The following GRIA3 variants were observed in gnomAD, a reference collection of about 807,000 sequenced individuals.
The protein encoded by GRIA3 is glutamate receptor 3.
GRIA3 carries 3 observed loss-of-function variants against 63.0 expected under a neutral mutation model. The observed-to-expected ratio is 0.05, with a 90% CI of 0.02 to 0.12. The LOEUF is 0.12. Among genes scored for constraint, GRIA3 ranks in the 10% least tolerant of loss-of-function variants. The pLI is 1.00. For missense variants in GRIA3, 347 were observed against 700.9 expected (o/e 0.50, Z 5.70); for synonymous variants, 274 against 257.9 (o/e 1.06, Z -0.60).
At chrX:123,352,022 C>T (rs2045098191) in intron 4 of GRIA3, among the ~76,000 whole-genome samples, 1 of 111,621 alleles carries the variant, frequency 9.0e-6, no homozygotes. Context: ...AACAATGTCT[C>T]AATGAATGAC....
At chrX:123,203,889 C>T (rs112241924) in intron 2 of GRIA3, among the ~76,000 whole-genome samples, 25,583 of 111,240 alleles carry the variant, frequency 0.23, 2,509 homozygotes, top group Non-Finnish European at 0.31. Context: ...AGTGATAATA[C>T]TGTCATCCCT....
chrX:123,322,835 T>C lies in GRIA3; in HGVS notation c.509-3191T>C, dbSNP rs142291304. Among the ~76,000 whole-genome samples the C allele has an allele frequency of 5.0e-4, 56 of 112,287 alleles. No homozygotes were observed. The East Asian group carries it at 0.014, about 27-fold the overall frequency. ...GCTCAAAAAATGTGAGCAAGGCTTA[T>C]AGCCCAGGAAGCTTCAGACATGCCC... On this transcript the variant is annotated intron_variant, in intron 3 of 15. Transcript: ENST00000620443.
intron 12 of GRIA3, among the ~76,000 whole-genome samples, chrX:123,458,854 C>T (rs1449014816): frequency 3.6e-5 from 4 of 111,669 alleles, no homozygotes; most frequent in African/African-American, 1.3e-4. Flanking sequence ...TTGTTGATGG[C>T]AGACCCTGGT....
chrX:123,291,469 G>GT (rs1301418423), intron 3 of GRIA3, among the ~76,000 whole-genome samples: 2 of 110,705 alleles, frequency 1.8e-5, no homozygotes, highest in Non-Finnish European at 3.8e-5. Context: ...GCTATGCTCA[G>GT]TACCTGGGTG....
intron 2 of GRIA3, among the ~76,000 whole-genome samples, chrX:123,193,095 T>G (rs2147248978): frequency 9.1e-6 from 1 of 109,344 alleles, no homozygotes; most frequent in African/African-American, 3.3e-5. Context: ...CTCAAGTATG[T>G]ATCTGTCACA....
chrX:123,457,509 T>C (rs1343312975), intron 12 of GRIA3, among the ~76,000 whole-genome samples: 1 of 111,782 alleles, frequency 8.9e-6, no homozygotes, highest in Non-Finnish European at 1.9e-5. Flanking sequence ...AATAATTACA[T>C]GCATAAAGCT....
intron 2 of GRIA3, among the ~76,000 whole-genome samples, chrX:123,223,578 C>T (rs1252990294): frequency 3.6e-5 from 4 of 112,131 alleles, no homozygotes; most frequent in Non-Finnish European, 7.5e-5. Context: ...TGCTAGAAGG[C>T]CCTCTTTCTG....
intron 13 of GRIA3, among the ~76,000 whole-genome samples, chrX:123,470,594 C>T (rs778486638): frequency 7.1e-5 from 8 of 111,923 alleles, no homozygotes; most frequent in Non-Finnish European, 1.1e-4. Flanking sequence ...GTTACACTCT[C>T]GGACAGCCCA....
In GRIA3 at chrX:123,260,499, A is replaced by G. The variant is rs28625399; in HGVS notation, c.508+6957A>G. On this transcript the variant is annotated intron_variant, in intron 3 of 15. Coordinates refer to ENST00000620443, the MANE Select transcript of GRIA3 (RefSeq NM_007325.5). ...AGGAAAGAAAGAAAGAAAGAAAGAA[A>G]GAAAGAAAGAAAGAAAGAAAGAAAG... Among the ~76,000 whole-genome samples, 11 of 8,073 alleles carry G rather than the reference A, an allele frequency of 1.4e-3. 1 individual carries two copies. Among genetic ancestry groups the G allele is most frequent in the African/African-American group, 1.9e-3 (7 of 3,743 alleles). The allele number at this position is 8,073 out of a possible 115,157, so 7.0% of individuals were successfully genotyped here. A position where few individuals can be genotyped will look rare whatever the true frequency, so the allele number is the denominator to read the frequency against.
chrX:123,370,993 A>G (rs996346363), intron 5 of GRIA3, among the ~76,000 whole-genome samples: 2 of 109,946 alleles, frequency 1.8e-5, no homozygotes, highest in Admixed American at 2.0e-4. Context: ...TATTCATTCT[A>G]ACTTTTTTTT....
intron 10 of GRIA3, among the ~76,000 whole-genome samples, chrX:123,406,122 T>A (rs1280434255): frequency 8.9e-6 from 1 of 112,582 alleles, no homozygotes; most frequent in Admixed American, 9.4e-5. Context: ...TGATTGTGAA[T>A]GACAGATCTT....
chrX:123,489,369 A>G lies in GRIA3; in HGVS notation c.*659A>G, dbSNP rs2045957810. 8.9e-6 allele frequency: 1 copy of G among 112,586 alleles called. No homozygotes were observed. Among genetic ancestry groups the G allele is most frequent in the South Asian group, 3.7e-4 (1 of 2,720 alleles). 9.3% of individuals were successfully genotyped at this position (112,586 alleles called of 1,213,427 possible). A position where few individuals can be genotyped will look rare whatever the true frequency, so the allele number is the denominator to read the frequency against. On this transcript the variant is annotated 3_prime_UTR_variant, in exon 16 of 16. Coordinates refer to ENST00000620443, the MANE Select transcript of GRIA3 (RefSeq NM_007325.5). Reference sequence around the variant, plus strand: ...ACTTAAGAAAATTCAAACACTTTGGAAAAGGGACTAAACAGTGATTTCTCT... The same window carrying G: ...ACTTAAGAAAATTCAAACACTTTGGGAAAGGGACTAAACAGTGATTTCTCT...
At chrX:123,342,663 T>C (rs1346549706) in intron 4 of GRIA3, among the ~76,000 whole-genome samples, 1 of 111,970 alleles carries the variant, frequency 8.9e-6, no homozygotes, top group Non-Finnish European at 1.9e-5. Context: ...TCATCACAAG[T>C]GCAGCTTGTG....
chrX:123,317,925 G>A (rs981513263), intron 3 of GRIA3, among the ~76,000 whole-genome samples: 15 of 112,874 alleles, frequency 1.3e-4, no homozygotes, highest in African/African-American at 4.5e-4. Context: ...CACCCCTGCA[G>A]CAAACTTTTG....
At chrX:123,337,368 T>C (rs997976459) in intron 4 of GRIA3, among the ~76,000 whole-genome samples, 2 of 112,184 alleles carry the variant, frequency 1.8e-5, no homozygotes, top group African/African-American at 6.5e-5. Flanking sequence ...GAAATTGTTT[T>C]CATGCCTTTA....
At chrX:123,296,663 CAAAT>C (rs1258695610) in intron 3 of GRIA3, among the ~76,000 whole-genome samples, 10 of 111,611 alleles carry the variant, frequency 9.0e-5, no homozygotes, top group African/African-American at 3.2e-4. Flanking sequence ...TTCTTGCACA[CAAAT>C]AAATAATTAT....
chrX:123,287,773 A>G (rs1445448107), intron 3 of GRIA3, among the ~76,000 whole-genome samples: 1 of 112,026 alleles, frequency 8.9e-6, no homozygotes, highest in East Asian at 2.8e-4. Context: ...AGAGGACACA[A>G]ACAAATAGAA....
intron 3 of GRIA3, among the ~76,000 whole-genome samples, chrX:123,320,085 GGAAA>G (rs770981920): frequency 1.8e-3 from 203 of 111,690 alleles, no homozygotes; most frequent in Non-Finnish European, 3.4e-3. Flanking sequence ...ACACAGAAAA[GGAAA>G]GAAAGAAATG....
chrX:123,351,410 A>G (rs2045093372), intron 4 of GRIA3, among the ~76,000 whole-genome samples: 1 of 112,146 alleles, frequency 8.9e-6, no homozygotes, highest in African/African-American at 3.2e-5. Flanking sequence ...TAGCTGCTCC[A>G]CGTAAGTAAG....
Sources: allele counts gnomAD v4.1 joint callset (sites outside exome capture counted in the v4.1 genomes callset), GRCh38; gene constraint gnomAD v4.1.1; transcripts MANE v1.5; gene names NCBI Gene and HGNC (gene_info 2026-07-23, HGNC 2026-07-21).